Variants in STK3 observed in about 807,000 individuals in gnomAD.
STK3 encodes the protein serine/threonine kinase 3, also known as serine/threonine-protein kinase 3.
A neutral mutation model predicts 58.0 loss-of-function variants in STK3; 41 were observed. That is an observed-to-expected ratio of 0.71 (90% confidence interval 0.55 to 0.92). The LOEUF is 0.92. Among genes scored for constraint, STK3 ranks in the 40% least tolerant of loss-of-function variants. STK3 has a pLI of 0.00. For missense variants in STK3, 479 were observed against 602.7 expected, an observed-to-expected ratio of 0.79 and a Z score of 2.15; for synonymous variants, 170 against 191.0, an observed-to-expected ratio of 0.89 and a Z score of 0.91.
intron 9 of STK3, among the ~76,000 whole-genome samples, chr8:98,541,930 G>C (rs1288105054): frequency 6.6e-6 from 1 of 152,168 alleles, no homozygotes; most frequent in African/African-American, 2.4e-5. Context: ...TCCTGCCCAA[G>C]AGGGACATTG....
At chr8:98,774,157 A>C (rs1170921381) in intron 2 of STK3, among the ~76,000 whole-genome samples, 1 of 151,964 alleles carries the variant, frequency 6.6e-6, no homozygotes, top group Admixed American at 6.6e-5. Flanking sequence ...GCTGATCTAT[A>C]AGCTTCTTTT....
At chr8:98,587,104 C>T (rs1217264827) in intron 7 of STK3, among the ~76,000 whole-genome samples, 1 of 151,968 alleles carries the variant, frequency 6.6e-6, no homozygotes, top group African/African-American at 2.4e-5. Flanking sequence ...TCCTTCAGTT[C>T]TGCTCTGATT....
intron 1 of STK3, among the ~76,000 whole-genome samples, chr8:98,382,571 G>A (rs952090506): frequency 1.3e-5 from 2 of 150,512 alleles, no homozygotes; most frequent in Non-Finnish European, 2.9e-5. Context: ...TGGAGGCGGG[G>A]GGAGCCTGCT....
intron 9 of STK3, among the ~76,000 whole-genome samples, chr8:98,546,537 A>G (rs1476765835): frequency 1.3e-5 from 2 of 152,202 alleles, no homozygotes; most frequent in Admixed American, 6.6e-5. Context: ...GTTAAAAATT[A>G]TATCAGCTTA....
intron 1 of STK3, among the ~76,000 whole-genome samples, chr8:98,793,477 G>A (rs1258454794): frequency 4.6e-5 from 7 of 152,130 alleles, no homozygotes; most frequent in African/African-American, 7.2e-5. Context: ...GGTTGGAGCC[G>A]AAATTGTACC....
chr8:98,494,691 G>A (rs1178483624), intron 10 of STK3, among the ~76,000 whole-genome samples: 1 of 146,196 alleles, frequency 6.8e-6, no homozygotes, highest in Non-Finnish European at 1.5e-5. Context: ...GAGAGAGAGA[G>A]ATTATGAAAA....
intron 6 of STK3, among the ~76,000 whole-genome samples, chr8:98,620,560 T>G (rs73275887): frequency 0.019 from 2,645 of 140,374 alleles, 72 homozygotes; most frequent in African/African-American, 0.066. Flanking sequence ...AAAAATACAC[T>G]AAACCGAATA....
chr8:98,893,281 C>G (rs537933896), intron 1 of STK3, among the ~76,000 whole-genome samples: 21 of 151,410 alleles, frequency 1.4e-4, no homozygotes, highest in Non-Finnish European at 2.7e-4. Context: ...CCCAGCTACT[C>G]AGGAGGCTGA....
At chr8:98,644,601 C>A (rs994446152) in intron 6 of STK3, among the ~76,000 whole-genome samples, 3 of 152,080 alleles carry the variant, frequency 2.0e-5, no homozygotes, top group Non-Finnish European at 2.9e-5. Flanking sequence ...TTAAATTATT[C>A]ATGTCTTTTA....
At chr8:98,713,531 A>C (rs1201139328) in intron 4 of STK3, among the ~76,000 whole-genome samples, 6 of 152,232 alleles carry the variant, frequency 3.9e-5, no homozygotes, top group Non-Finnish European at 7.3e-5. Flanking sequence ...ATCTAGAAGA[A>C]ATGGATAAAT....
At chr8:98,938,401 G>C (rs1480440909) in intron 1 of STK3, among the ~76,000 whole-genome samples, 1 of 152,222 alleles carries the variant, frequency 6.6e-6, no homozygotes, top group Non-Finnish European at 1.5e-5. Context: ...ACTAGAAAGT[G>C]CCAGTGTCAT....
intron 10 of STK3, among the ~76,000 whole-genome samples, chr8:98,489,953 A>G (rs1470000841): frequency 3.3e-5 from 5 of 152,214 alleles, no homozygotes; most frequent in Non-Finnish European, 5.9e-5. Flanking sequence ...AATGATCAAT[A>G]GAGAGCAATT....
At chr8:98,403,925 T>C (rs781159979) in intron 3 of STK3, among the ~76,000 whole-genome samples, 10 of 152,242 alleles carry the variant, frequency 6.6e-5, no homozygotes, top group Non-Finnish European at 1.0e-4. Flanking sequence ...TGTGGGGATA[T>C]ATGCAGATTT....
At chr8:98,713,670 G>A (rs1669864705) in intron 4 of STK3, among the ~76,000 whole-genome samples, 1 of 152,092 alleles carries the variant, frequency 6.6e-6, no homozygotes, top group Admixed American at 6.6e-5. Context: ...AGGACCAAAA[G>A]GATTCACAGC....
chr8:98,695,470 A>G (rs1824818942), intron 6 of STK3, among the ~76,000 whole-genome samples: 1 of 152,110 alleles, frequency 6.6e-6, no homozygotes, highest in Admixed American at 6.5e-5. Context: ...TAGGATTTTT[A>G]TGGTTTTAGG....
intron 6 of STK3, among the ~76,000 whole-genome samples, chr8:98,642,740 T>C (rs1162205758): frequency 2.0e-5 from 3 of 152,234 alleles, no homozygotes; most frequent in Non-Finnish European, 2.9e-5. Flanking sequence ...TAAAACAGTT[T>C]ACATCCTTGT....
At chr8:98,460,779 T>A (rs1819903431) in intron 10 of STK3, among the ~76,000 whole-genome samples, 1 of 152,224 alleles carries the variant, frequency 6.6e-6, no homozygotes, top group African/African-American at 2.4e-5. Flanking sequence ...CCTGCCACCA[T>A]GTAAGAAGGT....
At chr8:98,360,033 C>G in the STK3 span, among the ~76,000 whole-genome samples, 1 of 152,114 alleles carries the variant, frequency 6.6e-6, no homozygotes, top group Non-Finnish European at 1.5e-5. Context: ...CTGGAAGTTG[C>G]CAAGACTCTC....
chr8:98,795,001 G>C (rs888091577), intron 1 of STK3, among the ~76,000 whole-genome samples: 3 of 144,052 alleles, frequency 2.1e-5, no homozygotes, highest in Non-Finnish European at 4.5e-5. Context: ...CCGGGAGGCA[G>C]GGGTTGCTGT....
Sources: allele counts gnomAD v4.1 joint callset (sites outside exome capture counted in the v4.1 genomes callset), GRCh38; gene constraint gnomAD v4.1.1; transcripts MANE v1.5; gene names NCBI Gene and HGNC (gene_info 2026-07-23, HGNC 2026-07-21).